REV1: variants seen among roughly 807,000 people sequenced by gnomAD.
REV1 encodes REV1 DNA directed polymerase.
In REV1, 42 loss-of-function variants were observed where a neutral mutation model predicts 137.4. The observed-to-expected ratio is 0.31, with a 90% CI of 0.24 to 0.40. The LOEUF (loss-of-function observed/expected upper bound fraction) is 0.40, where lower values mean the gene tolerates loss of function less well. REV1 is among the 10% of genes least tolerant of loss of function. REV1 has a pLI of 1.00. For missense variants in REV1, 1,282 were observed against 1,490.1 expected (o/e 0.86, Z 2.30); for synonymous variants, 524 against 519.2 (o/e 1.01, Z -0.12).
rs899924099 is a variant in REV1, at chr2:99,490,017, C to T, written c.-211G>A. ...ACCCCGCGCGCGCTCCGCGGTGGCT[C>T]TCCGCCCCTCCCCCTCCGGTTAGCG... On this transcript the variant is annotated 5_prime_UTR_variant, in exon 1 of 23. Coordinates refer to ENST00000258428, the MANE Select transcript of REV1 (RefSeq NM_016316.4). 2 of 149,036 alleles carry T rather than the reference C, an allele frequency of 1.3e-5. No homozygotes were observed. The highest frequency in any genetic ancestry group is 2.4e-5 in the African/African-American group (1 of 40,824). The allele number at this position is 149,036 out of a possible 1,614,324, so 9.2% of individuals were successfully genotyped here.
chr2:99,478,127 T>G (rs1221530438), intron 1 of REV1, among the ~76,000 whole-genome samples: 1 of 152,116 alleles, frequency 6.6e-6, no homozygotes, highest in Non-Finnish European at 1.5e-5. Context: ...TCCCAGCTAC[T>G]CGGGAGGCTG....
intron 3 of REV1, chr2:99,451,320 A>G: frequency 8.4e-7 from 1 of 1,189,970 alleles, no homozygotes; most frequent in Non-Finnish European, 1.1e-6. Context: ...TTAACTTTCC[A>G]TATACATACT....
chr2:99,406,389 G>A lies in REV1; in HGVS notation c.2550C>T (p.Tyr850=). Residue 850 remains tyrosine (Y), a synonymous_variant, in exon 16 of 23, where the codon TAC becomes TAT. Transcript: ENST00000258428. ...GAACTTGGAAGACATCACGGACAGAGTATGACCCACTAGGAAAGTGGCTTG... is the reference window on the plus strand; with the variant it reads ...GAACTTGGAAGACATCACGGACAGAATATGACCCACTAGGAAAGTGGCTTG... ...VQSSHFPSGS[Y]SVRDVFQVQK... The A allele has an allele frequency of 4.3e-6, 7 of 1,613,944 alleles. No individual in the cohort carries two copies. Among genetic ancestry groups the A allele is most frequent in the South Asian group, 1.1e-5 (1 of 91,066 alleles).
At chr2:99,446,526 G>A (rs908501265) in intron 4 of REV1, among the ~76,000 whole-genome samples, 11 of 151,878 alleles carry the variant, frequency 7.2e-5, no homozygotes, top group Admixed American at 2.0e-4. Flanking sequence ...AGACAGTCTC[G>A]CTCTACCACC....
intron 17 of REV1, chr2:99,405,182 TCTAA>T (rs1452931227): frequency 6.2e-6 from 1 of 160,746 alleles, no homozygotes; most frequent in Non-Finnish European, 1.3e-5. Flanking sequence ...CTGAATTTTC[TCTAA>T]CTTACAGGAC....
At chr2:99,452,688 A>C (rs1683065418) in intron 3 of REV1, among the ~76,000 whole-genome samples, 1 of 152,162 alleles carries the variant, frequency 6.6e-6, no homozygotes, top group Non-Finnish European at 1.5e-5. Flanking sequence ...CCCTGACATA[A>C]AGCAGGTGCT....
chr2:99,408,113 C>G lies in REV1; in HGVS notation c.2364G>C (p.Gln788His). The change falls in exon 15 of 23, where the codon CAG becomes CAC. Residue 788 changes from glutamine (Q) to histidine (H), a missense_variant. Around this residue, in one of 7 missense-constraint regions of REV1, gnomAD observed 372 missense variants for 482.3 expected, o/e 0.77. Coordinates refer to ENST00000258428, the MANE Select transcript of REV1 (RefSeq NM_016316.4). Reference protein sequence around the residue: ...DNIARTVTLDQATDNAKIIGK... With the variant: ...DNIARTVTLDHATDNAKIIGK... ...CAATTATTTTTGCATTATCTGTTGC[C>G]TGGTCAAGAGTTACAGTCCTGTAAG... is the stretch of plus-strand genomic sequence containing the variant. The G allele has an allele frequency of 6.2e-7, 1 of 1,608,168 alleles. No individual in the cohort carries two copies. Among genetic ancestry groups the G allele is most frequent in the Non-Finnish European group, 8.5e-7 (1 of 1,176,984 alleles).
At chr2:99,429,750 T>G (rs1428458616) in intron 9 of REV1, 90 bp downstream of exon 9, 3 of 808,884 alleles carry the variant, frequency 3.7e-6, no homozygotes, top group African/African-American at 3.5e-5. Flanking sequence ...AACATTTAAA[T>G]CCACTTCAAA....
intron 12 of REV1, among the ~76,000 whole-genome samples, chr2:99,416,229 C>G (rs1177314194): frequency 6.6e-6 from 1 of 152,166 alleles, no homozygotes; most frequent in Non-Finnish European, 1.5e-5. Context: ...ATATTTATCA[C>G]CAAATATCTT....
intron 3 of REV1, among the ~76,000 whole-genome samples, chr2:99,461,319 T>A (rs752522948): frequency 1.3e-5 from 2 of 152,220 alleles, no homozygotes; most frequent in Non-Finnish European, 2.9e-5. Context: ...TTGTGTCCAG[T>A]CACTGTAGAG....
chr2:99,434,422 T>C lies in REV1; in HGVS notation c.1348A>G (p.Arg450Gly), dbSNP rs1168048097. Residue 450 changes from arginine to glycine, a missense_variant, in exon 8 of 23, where the codon AGA becomes GGA. Arg to Gly is a moderately radical substitution (Grantham distance 125). Around this residue, in one of 7 missense-constraint regions of REV1, gnomAD observed 432 missense variants for 438.0 expected, o/e 0.99. Transcript: ENST00000258428. ...CGTAAAGGTGCCCTTCCTGTGCCTCTGTTACTTGTAACAGCCACTGGTTTT... is the reference window on the plus strand; with the variant it reads ...CGTAAAGGTGCCCTTCCTGTGCCTCCGTTACTTGTAACAGCCACTGGTTTT... ...KGKPVAVTSN[R>G]GTGRAPLRPG... 1.2e-6 allele frequency: 2 copies of C among 1,602,578 alleles called. No homozygotes were observed. The highest frequency in any genetic ancestry group is 8.5e-7 in the Non-Finnish European group (1 of 1,174,642).
chr2:99,467,856 G>A lies in REV1; in HGVS notation c.-10-2871C>T, dbSNP rs553273953. Among the ~76,000 whole-genome samples the A allele has an allele frequency of 4.0e-5, 6 of 151,802 alleles. No individual in the cohort carries two copies. The South Asian group carries it at 1.3e-3, about 32-fold the overall frequency. ...AAGTCAGGAGTTGGAGACCAGTCTG[G>A]CCAACATGGTGAAATCCCATGTCTA... On this transcript the variant is annotated intron_variant, in intron 1 of 22. Transcript: ENST00000258428.
In REV1 at chr2:99,478,251, C is replaced by A. The variant is rs1468064856; in HGVS notation, c.-11+11566G>T. ...TCAAAAAAATAAAAAATAGAAAGTA[C>A]CAAAGAGAACTGCCTTCTCTAGTTT... On this transcript the variant is annotated intron_variant, in intron 1 of 22. Transcript: ENST00000258428. Among the ~76,000 whole-genome samples the A allele has an allele frequency of 2.6e-5, 4 of 152,118 alleles. No individual in the cohort carries two copies. In the East Asian group the frequency reaches 7.7e-4, roughly 29 times the overall value.
At chr2:99,413,134 G>C (rs935869066) in intron 12 of REV1, among the ~76,000 whole-genome samples, 183 bp from the exon 13 acceptor site, 1 of 152,172 alleles carries the variant, frequency 6.6e-6, no homozygotes, top group African/African-American at 2.4e-5. Flanking sequence ...GCTAGTAGAT[G>C]TATTTCTAGA....
intron 9 of REV1, among the ~76,000 whole-genome samples, chr2:99,428,347 A>C (rs1480094487): frequency 6.6e-6 from 1 of 152,210 alleles, no homozygotes; most frequent in African/African-American, 2.4e-5. Context: ...TGCCTGTGGT[A>C]ATAAAAAGCA....
intron 1 of REV1, among the ~76,000 whole-genome samples, chr2:99,489,486 G>T (rs1362136373): frequency 6.8e-6 from 1 of 146,248 alleles, no homozygotes; most frequent in Non-Finnish European, 1.5e-5. Context: ...GCCGGGCGCG[G>T]AGGGAAGGGC....
rs75863368 is a variant in REV1, at chr2:99,477,229, G to A, written c.-10-12244C>T. Among the ~76,000 whole-genome samples, 768 of 152,294 alleles carry A rather than the reference G, an allele frequency of 5.0e-3. 11 individuals carry two copies. Among genetic ancestry groups the A allele is most frequent in the African/African-American group, 0.018 (730 of 41,566 alleles). On this transcript the variant is annotated intron_variant, in intron 1 of 22. Coordinates refer to ENST00000258428, the MANE Select transcript of REV1 (RefSeq NM_016316.4). ...CATTTCCCACGCTCCTCTCAAAATC[G>A]GGGGTGGCCATGTGACTAAGTTCTG...
At chr2:99,468,777 G>C (rs1685090357) in intron 1 of REV1, among the ~76,000 whole-genome samples, 1 of 152,096 alleles carries the variant, frequency 6.6e-6, no homozygotes, top group African/African-American at 2.4e-5. Context: ...GAATGCAAAA[G>C]TACCCTTACC....
chr2:99,424,976 C>A, intron 9 of REV1: 1 of 1,015,898 alleles, frequency 9.8e-7, no homozygotes, highest in Non-Finnish European at 1.3e-6. Context: ...GCATTCACCA[C>A]AAAACTATAA....
Sources: gnomAD v4.1 joint callset for allele counts (sites outside exome capture counted in the v4.1 genomes callset) on GRCh38, gnomAD v4.1.1 for gene constraint, gnomAD v4.1.1 regional missense constraint, MANE v1.5 for transcripts, NCBI Gene and HGNC (gene_info 2026-07-23, HGNC 2026-07-21) for gene names.